The following VSIR variants were observed in gnomAD, a reference collection of about 807,000 sequenced individuals.
VSIR encodes V-type immunoglobulin domain-containing suppressor of T-cell activation.
VSIR carries 10 observed loss-of-function variants against 31.0 expected under a neutral mutation model. That is an observed-to-expected ratio of 0.32 (90% CI 0.20 to 0.55). The LOEUF (loss-of-function observed/expected upper bound fraction) is 0.55, where lower values mean the gene tolerates loss of function less well. Among genes scored for constraint, VSIR ranks in the 20% least tolerant of loss-of-function variants. The pLI is 0.93. For synonymous variants in VSIR, 179 were observed against 180.1 expected, an observed-to-expected ratio of 0.99 and a Z score of 0.05; for missense variants, 356 against 416.2, an observed-to-expected ratio of 0.86 and a Z score of 1.26.
chr10:71,763,598 G>A (rs936655687), intron 1 of VSIR, among the ~76,000 whole-genome samples: 1 of 152,196 alleles, frequency 6.6e-6, no homozygotes, highest in Non-Finnish European at 1.5e-5. Context: ...AGCCTGTACT[G>A]GACCAGTAGC....
Position 71,751,168 on chromosome 10 carries a change from C to T in VSIR, c.*85G>A. 1 of 1,487,812 alleles carries T rather than the reference C, an allele frequency of 6.7e-7. No homozygotes were observed. Among genetic ancestry groups the T allele is most frequent in the Non-Finnish European group, 9.1e-7 (1 of 1,093,838 alleles). 92.2% of individuals were successfully genotyped at this position (1,487,812 alleles called of 1,614,324 possible). A position where few individuals can be genotyped will look rare whatever the true frequency, so the allele number is the denominator to read the frequency against. ...GGAGGGAGGGAACCAGGGCCGAGGC[C>T]AAGGAGGCCACTCACAGAGCCAGCC... On this transcript the variant is annotated 3_prime_UTR_variant, in exon 7 of 7. Coordinates refer to ENST00000394957, the MANE Select transcript of VSIR (RefSeq NM_022153.2). This position sits in a 1 kb window ranked among gnomAD's most constrained non-coding sequence, Gnocchi z 4.9.
At chr10:71,772,804 AGGTG>A (rs1840717483) in intron 1 of VSIR, among the ~76,000 whole-genome samples, 1 of 152,202 alleles carries the variant, frequency 6.6e-6, no homozygotes, top group Non-Finnish European at 1.5e-5. Context: ...AATAGGGACC[AGGTG>A]GGCAGTGCTG....
intron 2 of VSIR, among the ~76,000 whole-genome samples, chr10:71,761,195 AACAG>A (rs1008140560): frequency 1.3e-5 from 2 of 152,078 alleles, no homozygotes; most frequent in African/African-American, 4.8e-5. Flanking sequence ...CTCTCACCTG[AACAG>A]ACAGACACAC....
intron 1 of VSIR, among the ~76,000 whole-genome samples, chr10:71,769,281 G>T (rs539793781): frequency 5.5e-4 from 84 of 151,898 alleles, no homozygotes; most frequent in Non-Finnish European, 9.7e-4. Flanking sequence ...TTTTTTGCAA[G>T]GGAAAGCAGC....
chr10:71,766,564 A>G (rs1840550165), intron 1 of VSIR, among the ~76,000 whole-genome samples: 1 of 152,222 alleles, frequency 6.6e-6, no homozygotes, highest in Non-Finnish European at 1.5e-5. Flanking sequence ...TCTTCATCTT[A>G]ACCTGAGGGC....
chr10:71,753,801 CA>C (rs764503194), intron 4 of VSIR: 48 of 456,366 alleles, frequency 1.1e-4, no homozygotes, highest in Non-Finnish European at 2.0e-4. Context: ...AACAACAGAA[CA>C]AACACAGGGA....
At chr10:71,763,298 AC>A (rs1840444341) in intron 1 of VSIR, among the ~76,000 whole-genome samples, 1 of 152,202 alleles carries the variant, frequency 6.6e-6, no homozygotes, top group South Asian at 2.1e-4. Context: ...GTGACCCACT[AC>A]GCCCGGCCAG....
chr10:71,763,300 G>A (rs934227145), intron 1 of VSIR, among the ~76,000 whole-genome samples: 1 of 152,298 alleles, frequency 6.6e-6, no homozygotes, highest in Middle Eastern at 3.4e-3. Flanking sequence ...GACCCACTAC[G>A]CCCGGCCAGT....
intron 1 of VSIR, among the ~76,000 whole-genome samples, chr10:71,772,050 G>A (rs1262123955): frequency 6.6e-6 from 1 of 152,168 alleles, no homozygotes; most frequent in African/African-American, 2.4e-5. Context: ...GCCCTGCCAT[G>A]AGCCATGGCC....
At chr10:71,767,968 G>A (rs1483324208) in intron 1 of VSIR, among the ~76,000 whole-genome samples, 2 of 152,188 alleles carry the variant, frequency 1.3e-5, no homozygotes, top group East Asian at 1.9e-4. Flanking sequence ...GGATGCTTCT[G>A]TGGATGAACC....
rs774602402 is a variant in VSIR at position 71,751,781 on chromosome 10, G to A, written c.785C>T (p.Pro262Leu). ...QGIPEAKVRH[P>L]LSYVAQRQPS... The stretch of plus-strand genomic sequence containing the variant: ...CTGCCGCTGGGCCACATAGGACAGG[G>A]GGTGCCTGACTTTGGCCTCGGGTAT... Residue 262 changes from proline to leucine, a missense_variant, in exon 6 of 7, where the codon CCC (proline) becomes CTC (leucine). By Grantham distance (98) the Pro-to-Leu change is moderately conservative. Around this residue, in one of 2 missense-constraint regions of VSIR, gnomAD observed 190 missense variants for 185.2 expected, o/e 1.03. Transcript: ENST00000394957. The surrounding 1 kb of genome is among the most constrained non-coding windows in gnomAD (Gnocchi z 4.9). 3.1e-6 allele frequency: 5 copies of A among 1,601,354 alleles called. No individual in the cohort carries two copies. The highest frequency in any genetic ancestry group is 4.3e-6 in the Non-Finnish European group (5 of 1,173,850).
intron 1 of VSIR, among the ~76,000 whole-genome samples, chr10:71,772,845 G>A (rs1420444575): frequency 2.6e-5 from 4 of 152,198 alleles, no homozygotes; most frequent in Admixed American, 6.5e-5. Flanking sequence ...TGGACCCACC[G>A]TGACCAGTGC....
In VSIR at chr10:71,760,906, T is replaced by A; in HGVS notation, c.530A>T (p.Asn177Ile). The change falls in exon 3 of 7, where the codon AAC (asparagine) becomes ATC (isoleucine). Residue 177 changes from asparagine to isoleucine, a missense_variant. Asn to Ile is a moderately radical substitution (Grantham distance 149, BLOSUM62 -3). Around this residue, in one of 2 missense-constraint regions of VSIR, gnomAD observed 190 missense variants for 185.2 expected, o/e 1.03. Coordinates refer to ENST00000394957, the MANE Select transcript of VSIR (RefSeq NM_022153.2). ...GGAGGAGGATGGGTACACCACACAG[T>A]TGGATGGTGCATCTTTGCCTGTGGG... is the stretch of plus-strand genomic sequence containing the variant. ...QVQTGKDAPS[N>I]CVVYPSSSQD... 6.2e-7 allele frequency: 1 copy of A among 1,613,808 alleles called. No homozygotes were observed. The highest frequency in any genetic ancestry group is 8.5e-7 in the Non-Finnish European group (1 of 1,179,762).
chr10:71,753,698 A>T, intron 4 of VSIR: 1 of 452,754 alleles, frequency 2.2e-6, no homozygotes, highest in South Asian at 1.6e-5. Flanking sequence ...TCCCTCTTTC[A>T]TGCAGCACCC....
In VSIR at chr10:71,750,376, G is replaced by A. The variant is rs536470321; in HGVS notation, c.*877C>T. On this transcript the variant is annotated 3_prime_UTR_variant, in exon 7 of 7. Transcript: ENST00000394957. ...GCTTCATACTCAGAAGTGTCCCAGGGTGGACAAGACATTGTGTGGCACCCT... is the reference window on the plus strand; with the variant it reads ...GCTTCATACTCAGAAGTGTCCCAGGATGGACAAGACATTGTGTGGCACCCT... 1 of 152,368 alleles carries A rather than the reference G, an allele frequency of 6.6e-6. No homozygotes were observed. The highest frequency in any genetic ancestry group is 1.9e-4 in the East Asian group (1 of 5,188). The allele number at this position is 152,368 out of a possible 1,614,324, so 9.4% of individuals were successfully genotyped here. A position where few individuals can be genotyped will look rare whatever the true frequency, so the allele number is the denominator to read the frequency against.
chr10:71,755,590 C>G (rs1008668205), intron 3 of VSIR, 124 bp from the exon 4 acceptor site: 21 of 865,270 alleles, frequency 2.4e-5, no homozygotes, highest in Non-Finnish European at 3.8e-5. Flanking sequence ...AGTCCCACAG[C>G]TAGACCCCCA....
chr10:71,755,352 T>C lies in VSIR; in HGVS notation c.676+7A>G, dbSNP rs1267099091. 6.2e-7 allele frequency: 1 copy of C among 1,609,266 alleles called. No homozygotes were observed. The highest frequency in any genetic ancestry group is 8.5e-7 in the Non-Finnish European group (1 of 1,177,852). On this transcript the variant is annotated splice_region_variant and intron_variant, in intron 4 of 6. Transcript: ENST00000394957. ...TCCACCCACCCCAGGCAGGGAGGAATACTCACGGCGGTTGGAGGCTGCCTG... is the reference window on the plus strand; with the variant it reads ...TCCACCCACCCCAGGCAGGGAGGAACACTCACGGCGGTTGGAGGCTGCCTG...
chr10:71,766,253 T>A (rs1470273870), intron 1 of VSIR, among the ~76,000 whole-genome samples: 1 of 152,062 alleles, frequency 6.6e-6, no homozygotes, highest in African/African-American at 2.4e-5. Flanking sequence ...GGCTCCAGGG[T>A]GGCCAAAAGC....
intron 1 of VSIR, among the ~76,000 whole-genome samples, chr10:71,765,550 G>A (rs1007662599): frequency 2.0e-5 from 3 of 152,226 alleles, no homozygotes; most frequent in South Asian, 2.1e-4. Flanking sequence ...CAGGGTCTAA[G>A]CAATGGGGTT....
Sources: allele counts gnomAD v4.1 joint callset (sites outside exome capture counted in the v4.1 genomes callset), GRCh38; gene constraint gnomAD v4.1.1; regional missense constraint gnomAD v4.1.1; non-coding constraint Gnocchi (gnomAD v3.1); transcripts MANE v1.5; gene names NCBI Gene and HGNC (gene_info 2026-07-23, HGNC 2026-07-21).